Variants in NPAP1 observed in about 807,000 individuals in gnomAD.
NPAP1 encodes the protein nuclear pore-associated protein 1.
For missense variants in NPAP1, 1,483 were observed against 1,454.5 expected (o/e 1.02, Z -0.32); for synonymous variants, 616 against 581.4 (o/e 1.06, Z -0.86).
At position 24,676,371 on chromosome 15, in the gene NPAP1, G is replaced by T; in HGVS notation, c.504G>T (p.Gln168His). 1 of 1,562,390 alleles carries T rather than the reference G, an allele frequency of 6.4e-7. No homozygotes were observed. Among genetic ancestry groups the T allele is most frequent in the Non-Finnish European group, 8.6e-7 (1 of 1,157,494 alleles). The change falls in exon 1 of 1, where the codon CAG (glutamine) becomes CAT (histidine). Residue 168 changes from glutamine to histidine, a missense_variant. Gln to His is a conservative substitution (Grantham distance 24). Coordinates refer to ENST00000329468, the MANE Select transcript of NPAP1 (RefSeq NM_018958.3). ...TGAAGAAGGATGAGGATCCGGTGCA[G>T]ATCGAAGGGGAGGATGACGAGAAAA... Reference protein sequence around the residue: ...RRVKKDEDPVQIEGEDDEKRT... With the variant: ...RRVKKDEDPVHIEGEDDEKRT...
In NPAP1 at chr15:24,681,960, G is replaced by A. The variant is rs1378564477; in HGVS notation, c.*2622G>A. 6.0e-6 allele frequency: 1 copy of A among 166,344 alleles called. No homozygotes were observed. The highest frequency in any genetic ancestry group is 2.1e-4 in the South Asian group (1 of 4,812). The allele number at this position is 166,344 out of a possible 1,614,324, so 10.3% of individuals were successfully genotyped here. On this transcript the variant is annotated 3_prime_UTR_variant, in exon 1 of 1. Transcript: ENST00000329468. ...AGAACCCCCTTTTTTTTTTGAGATG[G>A]AGTCTTGCTCTGTCACCCAGGCTGG... is the stretch of plus-strand genomic sequence containing the variant.
At position 24,676,100 on chromosome 15, in the gene NPAP1, C is replaced by T. The variant is rs1170529113; in HGVS notation, c.233C>T (p.Ala78Val). 1.9e-6 allele frequency: 3 copies of T among 1,560,352 alleles called. No individual in the cohort carries two copies. The highest frequency in any genetic ancestry group is 1.4e-5 in the African/African-American group (1 of 72,842). The change falls in exon 1 of 1, where the codon GCG becomes GTG. Residue 78 changes from alanine (A) to valine (V), a missense_variant. By Grantham distance (64) the Ala-to-Val change is moderately conservative. Transcript: ENST00000329468. Reference sequence around the variant, plus strand: ...AGGCCGTGTCCTCTCCCTCGGGCTGCGGCCGCCCCTCTGGGGGTCCTGCCG... The same window carrying T: ...AGGCCGTGTCCTCTCCCTCGGGCTGTGGCCGCCCCTCTGGGGGTCCTGCCG... Reference protein sequence around the residue: ...PKRPCPLPRAAAAPLGVLPAV... With the variant: ...PKRPCPLPRAVAAPLGVLPAV...
In NPAP1 at chr15:24,675,954, C is replaced by T. The variant is rs1156681673; in HGVS notation, c.87C>T (p.Ser29=). The T allele has an allele frequency of 6.3e-7, 1 of 1,591,396 alleles. No homozygotes were observed. The highest frequency in any genetic ancestry group is 8.5e-7 in the Non-Finnish European group (1 of 1,171,052). The change falls in exon 1 of 1, where the codon TCC becomes TCT. Residue 29 remains serine, a synonymous_variant. Coordinates refer to ENST00000329468, the MANE Select transcript of NPAP1 (RefSeq NM_018958.3). ...GPGRGAPAPL[S]RDASPPGRAH... is the part of the protein sequence containing the mutation. Reference sequence around the variant, plus strand: ...GGCGTGGCGCCCCCGCTCCCCTGTCCCGGGACGCCTCCCCGCCCGGTCGGG... The same window carrying T: ...GGCGTGGCGCCCCCGCTCCCCTGTCTCGGGACGCCTCCCCGCCCGGTCGGG...
chr15:24,677,236 A>G lies in NPAP1; in HGVS notation c.1369A>G (p.Thr457Ala). Residue 457 changes from threonine (T) to alanine (A), a missense_variant, in exon 1 of 1, where the codon ACA becomes GCA. Coordinates refer to ENST00000329468, the MANE Select transcript of NPAP1 (RefSeq NM_018958.3). ...TPKMDEKIAF[T>A]IPNSPLALPA... ...AAAAATGGATGAGAAAATAGCATTC[A>G]CAATCCCTAACTCTCCTCTGGCTCT... 1 of 1,614,058 alleles carries G rather than the reference A, an allele frequency of 6.2e-7. No homozygotes were observed. The highest frequency in any genetic ancestry group is 8.5e-7 in the Non-Finnish European group (1 of 1,180,012).
rs781391657 is a variant in NPAP1 at position 24,678,849 on chromosome 15, T to G, written c.2982T>G (p.Ser994Arg). The G allele has an allele frequency of 1.2e-6, 2 of 1,614,098 alleles. No individual in the cohort carries two copies. Among genetic ancestry groups the G allele is most frequent in the Non-Finnish European group, 8.5e-7 (1 of 1,180,050 alleles). The change falls in exon 1 of 1, where the codon AGT (serine) becomes AGG (arginine). Residue 994 changes from serine to arginine, a missense_variant. Coordinates refer to ENST00000329468, the MANE Select transcript of NPAP1 (RefSeq NM_018958.3). Reference sequence around the variant, plus strand: ...CTGGGATGCCTGGCACTGGAGACAGTACCTTACTGGTTGGAAATACTATTC... The same window carrying G: ...CTGGGATGCCTGGCACTGGAGACAGGACCTTACTGGTTGGAAATACTATTC... ...IATGMPGTGDSTLLVGNTIPG... is the reference protein window; with the variant it reads ...IATGMPGTGDRTLLVGNTIPG...
In NPAP1 at chr15:24,677,149, G is replaced by A. The variant is rs2141309716; in HGVS notation, c.1282G>A (p.Asp428Asn). ...GGTCTCAGCTCCTTTGCCCATCCCTGACTTGGCTGACCTGGCTACTGGACC... is the reference window on the plus strand; with the variant it reads ...GGTCTCAGCTCCTTTGCCCATCCCTAACTTGGCTGACCTGGCTACTGGACC... ...SQVSAPLPIP[D>N]LADLATGPLI... Residue 428 changes from aspartate (D) to asparagine (N), a missense_variant, in exon 1 of 1, where the codon GAC (aspartate) becomes AAC (asparagine). Coordinates refer to ENST00000329468, the MANE Select transcript of NPAP1 (RefSeq NM_018958.3). 3 of 1,614,016 alleles carry A rather than the reference G, an allele frequency of 1.9e-6. No homozygotes were observed. Among genetic ancestry groups the A allele is most frequent in the Non-Finnish European group, 2.5e-6 (3 of 1,180,018 alleles).
rs558013752 is a variant in NPAP1 at position 24,678,828 on chromosome 15, G to T, written c.2961G>T (p.Gly987=). 6.2e-7 allele frequency: 1 copy of T among 1,614,218 alleles called. No homozygotes were observed. Among genetic ancestry groups the T allele is most frequent in the Non-Finnish European group, 8.5e-7 (1 of 1,180,044 alleles). The change falls in exon 1 of 1, where the codon GGG becomes GGT. Residue 987 remains glycine, a synonymous_variant. Transcript: ENST00000329468. ...CTTCTGGATTTAGAATTGCCACTGGGATGCCTGGCACTGGAGACAGTACCT... is the reference window on the plus strand; with the variant it reads ...CTTCTGGATTTAGAATTGCCACTGGTATGCCTGGCACTGGAGACAGTACCT... ...AKTSGFRIAT[G]MPGTGDSTLL... is the part of the protein sequence containing the mutation.
In NPAP1 at chr15:24,679,291, G is replaced by A. The variant is rs776958449; in HGVS notation, c.3424G>A (p.Gly1142Arg). ...CTACACTTCAAGCACCCACTACTAT[G>A]GACAAGAAACATATGTTAGGAGACA... ...KFYTSSTHYY[G>R]QETYVRRHVC... The change falls in exon 1 of 1, where the codon GGA becomes AGA. Residue 1142 changes from glycine to arginine, a missense_variant. Transcript: ENST00000329468. The A allele has an allele frequency of 3.7e-6, 6 of 1,613,872 alleles. No individual in the cohort carries two copies. Among genetic ancestry groups the A allele is most frequent in the Non-Finnish European group, 5.1e-6 (6 of 1,179,994 alleles).
rs2141308348 is a variant in NPAP1 at position 24,676,595 on chromosome 15, A to G, written c.728A>G (p.His243Arg). Residue 243 changes from histidine (H) to arginine (R), a missense_variant, in exon 1 of 1, where the codon CAC (histidine) becomes CGC (arginine). Transcript: ENST00000329468. ...CLEGPAMPSTHSQAGCARHLG... is the reference protein window; with the variant it reads ...CLEGPAMPSTRSQAGCARHLG... ...GAAGGCCCTGCCATGCCCAGCACAC[A>G]CAGCCAGGCCGGATGTGCCCGGCAT... The G allele has an allele frequency of 6.2e-7, 1 of 1,614,004 alleles. No homozygotes were observed. The highest frequency in any genetic ancestry group is 1.1e-5 in the South Asian group (1 of 91,080).
In NPAP1 at chr15:24,675,973, G is replaced by A. The variant is rs748625501; in HGVS notation, c.106G>A (p.Gly36Ser). The change falls in exon 1 of 1, where the codon GGT (glycine) becomes AGT (serine). Residue 36 changes from glycine to serine, a missense_variant. Gly to Ser is a moderately conservative substitution (Grantham distance 56). Transcript: ENST00000329468. The stretch of plus-strand genomic sequence containing the variant: ...CCTGTCCCGGGACGCCTCCCCGCCC[G>A]GTCGGGCTCACTCTGTACCCACCCC... The part of the protein sequence containing the change: ...APLSRDASPP[G>S]RAHSVPTPRP... 15 of 1,593,938 alleles carry A rather than the reference G, an allele frequency of 9.4e-6. 1 individual carries two copies. The highest frequency in any genetic ancestry group is 1.8e-4 in the Middle Eastern group (1 of 5,486).
In NPAP1 at chr15:24,677,039, ACAG is replaced by A; in HGVS notation, c.1178_1180del (p.Ser393del). ...GAGGATAAAACAGAGACCATGACAA[ACAG>A]CAGCATCACCCAGCCTGCCCCTTCT... On this transcript the variant is annotated inframe_deletion, in exon 1 of 1. Coordinates refer to ENST00000329468, the MANE Select transcript of NPAP1 (RefSeq NM_018958.3). 3 of 1,613,896 alleles carry A rather than the reference ACAG, an allele frequency of 1.9e-6. No homozygotes were observed. The highest frequency in any genetic ancestry group is 2.5e-6 in the Non-Finnish European group (3 of 1,179,988).
rs965381921 is a variant in NPAP1 at position 24,677,075 on chromosome 15, A to G, written c.1208A>G (p.Gln403Arg). ...ACCCAGCCTGCCCCTTCTTTCTCCC[A>G]ACCTGTGCAGACCACAGACTCCCTG... Reference protein sequence around the residue: ...SITQPAPSFSQPVQTTDSLPL... With the variant: ...SITQPAPSFSRPVQTTDSLPL... Residue 403 changes from glutamine to arginine, a missense_variant, in exon 1 of 1, where the codon CAA (glutamine) becomes CGA (arginine). By Grantham distance (43) the Gln-to-Arg change is conservative. Coordinates refer to ENST00000329468, the MANE Select transcript of NPAP1 (RefSeq NM_018958.3). The G allele has an allele frequency of 1.3e-5, 21 of 1,614,006 alleles. No homozygotes were observed. Among genetic ancestry groups the G allele is most frequent in the Non-Finnish European group, 1.8e-5 (21 of 1,180,008 alleles).
At position 24,676,952 on chromosome 15, in the gene NPAP1, T is replaced by C. The variant is rs2141309217; in HGVS notation, c.1085T>C (p.Val362Ala). Residue 362 changes from valine (V) to alanine (A), a missense_variant, in exon 1 of 1, where the codon GTT becomes GCT. Transcript: ENST00000329468. ...PPPAKLPCLS[V>A]EGDLHTLEKS... Reference sequence around the variant, plus strand: ...CCTGCTAAGCTCCCCTGCCTGTCTGTTGAGGGAGACCTACACACCTTGGAG... The same window carrying C: ...CCTGCTAAGCTCCCCTGCCTGTCTGCTGAGGGAGACCTACACACCTTGGAG... The C allele has an allele frequency of 6.2e-7, 1 of 1,604,908 alleles. No homozygotes were observed. The highest frequency in any genetic ancestry group is 8.5e-7 in the Non-Finnish European group (1 of 1,175,984).
Position 24,682,002 on chromosome 15 carries a change from C to T in NPAP1, c.*2664C>T, listed in dbSNP as rs1250544148. On this transcript the variant is annotated 3_prime_UTR_variant, in exon 1 of 1. Transcript: ENST00000329468. ...CCAGGCTGGAGTGCAGTGGCGTGAT[C>T]TTGGCTCACTGCACGCTCCACCTCT... 6.0e-6 allele frequency: 1 copy of T among 166,750 alleles called. No homozygotes were observed. Among genetic ancestry groups the T allele is most frequent in the Non-Finnish European group, 1.5e-5 (1 of 68,098 alleles). The allele number at this position is 166,750 out of a possible 1,614,324, so 10.3% of individuals were successfully genotyped here.
Position 24,678,443 on chromosome 15 carries a change from A to G in NPAP1, c.2576A>G (p.Asn859Ser), listed in dbSNP as rs1937796494. 2 of 1,614,168 alleles carry G rather than the reference A, an allele frequency of 1.2e-6. No homozygotes were observed. Among genetic ancestry groups the G allele is most frequent in the Non-Finnish European group, 1.7e-6 (2 of 1,180,018 alleles). The change falls in exon 1 of 1, where the codon AAC (asparagine) becomes AGC (serine). Residue 859 changes from asparagine to serine, a missense_variant. Asn to Ser is a conservative substitution (Grantham distance 46). Transcript: ENST00000329468. ...TATATGGGGCTTCCTGGTTCTGGGA[A>G]CACACTACACAGTGACAGCATTGCC... ...RFYMGLPGSGNTLHSDSIASA... is the reference protein window; with the variant it reads ...RFYMGLPGSGSTLHSDSIASA...
In NPAP1 at chr15:24,680,738, C is replaced by A. The variant is rs2049011913; in HGVS notation, c.*1400C>A. On this transcript the variant is annotated 3_prime_UTR_variant, in exon 1 of 1. Transcript: ENST00000329468. ...CTGGCTTGACTGTTAACTTGGCTGA[C>A]CCTACCTCTGGGCCAGTTCTCTCTA... is the stretch of plus-strand genomic sequence containing the variant. 2.4e-5 allele frequency: 4 copies of A among 167,022 alleles called. No individual in the cohort carries two copies. Among genetic ancestry groups the A allele is most frequent in the African/African-American group, 9.7e-5 (4 of 41,420 alleles). The allele number at this position is 167,022 out of a possible 1,614,324, so 10.3% of individuals were successfully genotyped here.
In NPAP1 at chr15:24,678,208, C is replaced by CAGG; in HGVS notation, c.2343_2344insGAG (p.Gln781_Gln782insGlu). 5.0e-6 allele frequency: 8 copies of CAGG among 1,613,302 alleles called. No homozygotes were observed. Among genetic ancestry groups the CAGG allele is most frequent in the Non-Finnish European group, 6.8e-6 (8 of 1,179,738 alleles). On this transcript the variant is annotated inframe_insertion, in exon 1 of 1. Transcript: ENST00000329468. Reference sequence around the variant, plus strand: ...CAAATTTGGGGCCCCTGATGGGCCGCAGCAGAAAACCTCTCTCCCCAGTGC... The same window carrying CAGG: ...CAAATTTGGGGCCCCTGATGGGCCGCAGGAGCAGAAAACCTCTCTCCCCAGTGC...
chr15:24,678,400 G>A lies in NPAP1; in HGVS notation c.2533G>A (p.Glu845Lys), dbSNP rs2141312547. The A allele has an allele frequency of 6.2e-7, 1 of 1,613,342 alleles. No homozygotes were observed. Among genetic ancestry groups the A allele is most frequent in the Non-Finnish European group, 8.5e-7 (1 of 1,179,890 alleles). The change falls in exon 1 of 1, where the codon GAG (glutamate) becomes AAG (lysine). Residue 845 changes from glutamate (E) to lysine (K), a missense_variant. Coordinates refer to ENST00000329468, the MANE Select transcript of NPAP1 (RefSeq NM_018958.3). The part of the protein sequence containing the change: ...ILQSTFVSRK[E>K]EYIRFYMGLP... The stretch of plus-strand genomic sequence containing the variant: ...GCAGTCTACCTTTGTCTCCAGGAAG[G>A]AGGAGTACATCCGATTTTATATGGG...
rs1365266072 is a variant in NPAP1 at position 24,676,446 on chromosome 15, C to A, written c.579C>A (p.Gly193=). ...CATCGTCCACATCCAGGTCCCAGGG[C>A]ACCCAGGGAGACGTGGCCTCCTTCA... The part of the protein sequence containing the change: ...GEASSTSRSQ[G]TQGDVASFRC... Residue 193 remains glycine (G), a synonymous_variant, in exon 1 of 1, where the codon GGC becomes GGA. Transcript: ENST00000329468. 1 of 1,612,672 alleles carries A rather than the reference C, an allele frequency of 6.2e-7. No homozygotes were observed. Among genetic ancestry groups the A allele is most frequent in the Non-Finnish European group, 8.5e-7 (1 of 1,179,364 alleles).
Sources: gnomAD v4.1 joint callset for allele counts on GRCh38, gnomAD v4.1.1 for gene constraint, MANE v1.5 for transcripts, NCBI Gene and HGNC (gene_info 2026-07-23, HGNC 2026-07-21) for gene names.